Variants in BMERB1 observed in about 807,000 individuals in gnomAD.
BMERB1 encodes bMERB domain containing 1, also known as bMERB domain-containing protein 1.
BMERB1 carries 12 observed loss-of-function variants against 23.6 expected under a neutral mutation model. The ratio of observed to expected loss-of-function variants is 0.51; its 90% CI spans 0.33 to 0.82. The LOEUF (loss-of-function observed/expected upper bound fraction) is 0.82. Among genes scored for constraint, BMERB1 ranks in the 40% least tolerant of loss-of-function variants. BMERB1 has a pLI of 0.03. For synonymous variants in BMERB1, 122 were observed against 96.6 expected, an observed-to-expected ratio of 1.26 and a Z score of -1.54; for missense variants, 247 against 255.4, an observed-to-expected ratio of 0.97 and a Z score of 0.22.
At chr16:15,453,830 C>T (rs892694696) in intron 1 of BMERB1, among the ~76,000 whole-genome samples, 1 of 150,794 alleles carries the variant, frequency 6.6e-6, no homozygotes, top group Non-Finnish European at 1.5e-5. Context: ...GTCGAGATTT[C>T]GCCACTGCAC....
At chr16:15,535,452 C>T (rs1020084534) in intron 2 of BMERB1, among the ~76,000 whole-genome samples, 1 of 151,960 alleles carries the variant, frequency 6.6e-6, no homozygotes, top group Non-Finnish European at 1.5e-5. Context: ...TGGAGACCAT[C>T]CTGGCCAACA....
At chr16:15,449,233 G>T (rs1054479850) in intron 1 of BMERB1, among the ~76,000 whole-genome samples, 3 of 152,166 alleles carry the variant, frequency 2.0e-5, no homozygotes, top group African/African-American at 7.2e-5. Context: ...TAAAACTATG[G>T]TCTTTGCAGC....
At chr16:15,501,356 G>A (rs1229540109) in intron 1 of BMERB1, among the ~76,000 whole-genome samples, 3 of 136,812 alleles carry the variant, frequency 2.2e-5, no homozygotes, top group Non-Finnish European at 3.0e-5. Context: ...GCAGTGACTC[G>A]ATCTTGGCTC....
intron 2 of BMERB1, among the ~76,000 whole-genome samples, chr16:15,560,541 C>T (rs971436977): frequency 1.3e-5 from 2 of 152,286 alleles, no homozygotes; most frequent in African/African-American, 2.4e-5. Context: ...CCTGTAATCC[C>T]AGCACTTTGG....
At chr16:15,482,278 G>A (rs1289196462) in intron 1 of BMERB1, among the ~76,000 whole-genome samples, 2 of 151,882 alleles carry the variant, frequency 1.3e-5, no homozygotes, top group Non-Finnish European at 2.9e-5. Flanking sequence ...TCTTCTCTGT[G>A]TCTAAGAGAA....
At chr16:15,494,464 T>C (rs981701218) in intron 1 of BMERB1, among the ~76,000 whole-genome samples, 5 of 152,064 alleles carry the variant, frequency 3.3e-5, no homozygotes, top group Non-Finnish European at 7.4e-5. Flanking sequence ...TGTTAAATAA[T>C]TTGCCGGAAC....
At chr16:15,480,405 C>T (rs1441518788) in intron 1 of BMERB1, among the ~76,000 whole-genome samples, 3 of 151,372 alleles carry the variant, frequency 2.0e-5, no homozygotes, top group Non-Finnish European at 4.4e-5. Context: ...TGAGCCACTG[C>T]ACCTGGCCAA....
chr16:15,483,600 G>C (rs570327203), intron 1 of BMERB1, among the ~76,000 whole-genome samples: 1 of 152,000 alleles, frequency 6.6e-6, no homozygotes, highest in Non-Finnish European at 1.5e-5. Context: ...GGCTGGTCTC[G>C]AACTCTTGAC....
intron 2 of BMERB1, among the ~76,000 whole-genome samples, chr16:15,559,018 T>A (rs148035486): frequency 1.6e-4 from 24 of 150,384 alleles, no homozygotes; most frequent in Non-Finnish European, 2.8e-4. Context: ...TTCTAGCTGA[T>A]CTTAAAACTT....
chr16:15,578,048 G>C (rs2030914507), intron 3 of BMERB1, among the ~76,000 whole-genome samples: 2 of 152,182 alleles, frequency 1.3e-5, no homozygotes, highest in South Asian at 4.1e-4. Context: ...CCTGATGGTT[G>C]CCTGGCATTC....
chr16:15,484,240 G>A (rs1426196332), intron 1 of BMERB1, among the ~76,000 whole-genome samples: 2 of 152,090 alleles, frequency 1.3e-5, no homozygotes, highest in African/African-American at 4.8e-5. Flanking sequence ...AGATTTGGAG[G>A]GAACAGATGT....
chr16:15,527,766 A>G (rs2051924230), intron 2 of BMERB1, among the ~76,000 whole-genome samples: 1 of 152,152 alleles, frequency 6.6e-6, no homozygotes, highest in Non-Finnish European at 1.5e-5. Context: ...AATCTGTCCA[A>G]GTCAAACTCA....
intron 3 of BMERB1, among the ~76,000 whole-genome samples, chr16:15,576,729 C>CTCT (rs143094807): frequency 0.088 from 13,429 of 151,910 alleles, 1,827 homozygotes; most frequent in African/African-American, 0.29. Context: ...ACTCCTTTGC[C>CTCT]TCTTAGCTTC....
chr16:15,568,026 C>G lies in BMERB1; in HGVS notation c.274C>G (p.Gln92Glu). The G allele has an allele frequency of 6.2e-7, 1 of 1,614,044 alleles. No individual in the cohort carries two copies. Among genetic ancestry groups the G allele is most frequent in the East Asian group, 2.2e-5 (1 of 44,884 alleles). ...CTGCAAGGACATCATGGACTTGAAG[C>G]AGGAGCTGCAGAACTTGGTCGCCAT... ...QLCKDIMDLK[Q>E]ELQNLVAIPE... is the part of the protein sequence containing the mutation. Residue 92 changes from glutamine to glutamate, a missense_variant, in exon 3 of 6, where the codon CAG becomes GAG. Physicochemically the swap from Gln to Glu is conservative, Grantham distance 29. Coordinates refer to ENST00000300006, the MANE Select transcript of BMERB1 (RefSeq NM_033201.3).
rs531090721 is a variant in BMERB1 at position 15,506,261 on chromosome 16, C to T, written c.107-9044C>T. Among the ~76,000 whole-genome samples, 234 of 152,050 alleles carry T rather than the reference C, an allele frequency of 1.5e-3. 2 individuals carry two copies. Among genetic ancestry groups the T allele is most frequent in the Non-Finnish European group, 2.6e-3 (174 of 67,978 alleles). On this transcript the variant is annotated intron_variant, in intron 1 of 5. Coordinates refer to ENST00000300006, the MANE Select transcript of BMERB1 (RefSeq NM_033201.3). ...TGCGATCTCTGCTCACTACAAGCTCCGCCTCCCAGGTTCACACCATTCTCC... is the reference window on the plus strand; with the variant it reads ...TGCGATCTCTGCTCACTACAAGCTCTGCCTCCCAGGTTCACACCATTCTCC...
At chr16:15,579,650 C>T (rs2030957377) in intron 3 of BMERB1, among the ~76,000 whole-genome samples, 1 of 149,738 alleles carries the variant, frequency 6.7e-6, no homozygotes, top group Non-Finnish European at 1.5e-5. Context: ...ACCTCATCTT[C>T]AGCCCTCTCT....
intron 1 of BMERB1, among the ~76,000 whole-genome samples, chr16:15,488,089 C>T (rs2051383015): frequency 6.6e-6 from 1 of 152,154 alleles, no homozygotes. Context: ...TACCCAGCCC[C>T]TATTCAAGAT....
chr16:15,541,433 T>G (rs1291195853), intron 2 of BMERB1, among the ~76,000 whole-genome samples: 1 of 144,522 alleles, frequency 6.9e-6, no homozygotes, highest in Admixed American at 6.9e-5. Flanking sequence ...GTTTTTTTTT[T>G]TTTTTTTTTT....
chr16:15,434,755 G>T lies in BMERB1; in HGVS notation c.102G>T (p.Gly34=). The T allele has an allele frequency of 1.5e-6, 1 of 687,596 alleles. No individual in the cohort carries two copies. The highest frequency in any genetic ancestry group is 2.4e-6 in the Non-Finnish European group (1 of 408,804). The allele number at this position is 687,596 out of a possible 1,614,324, so 42.6% of individuals were successfully genotyped here. Residue 34 remains glycine, a synonymous_variant, in exon 1 of 6, where the codon GGG becomes GGT. Coordinates refer to ENST00000300006, the MANE Select transcript of BMERB1 (RefSeq NM_033201.3). ...EETAWKTERL[G]RNQLDIISMA... is the part of the protein sequence containing the mutation. The stretch of plus-strand genomic sequence containing the variant: ...CGGCTTGGAAAACGGAGAGACTGGG[G>T]AGAAGTGAGTACTGGGGCGGGGGGC...
Sources: gnomAD v4.1 joint callset for allele counts (sites outside exome capture counted in the v4.1 genomes callset) on GRCh38, gnomAD v4.1.1 for gene constraint, MANE v1.5 for transcripts, NCBI Gene and HGNC (gene_info 2026-07-23, HGNC 2026-07-21) for gene names.